OTOA: variants seen among roughly 807,000 people sequenced by gnomAD.
OTOA encodes the protein cancer/testis antigen 108.
A neutral mutation model predicts 110.8 loss-of-function variants in OTOA; 70 were observed. The observed-to-expected ratio is 0.63, with a 90% CI of 0.52 to 0.77. OTOA has a LOEUF of 0.77. Among genes scored for constraint, OTOA ranks in the 30% least tolerant of loss-of-function variants. The pLI, the probability that OTOA is intolerant of heterozygous loss-of-function variation, is 0.00. For synonymous variants in OTOA, 373 were observed against 431.5 expected (o/e 0.86, Z 1.68); for missense variants, 917 against 1,075.8 (o/e 0.85, Z 2.06).
In OTOA at chr16:21,697,873, G is replaced by C. The variant is rs1405753421; in HGVS notation, c.838G>C (p.Glu280Gln). The C allele has an allele frequency of 6.2e-7, 1 of 1,612,356 alleles. No homozygotes were observed. The highest frequency in any genetic ancestry group is 8.5e-7 in the Non-Finnish European group (1 of 1,178,468). ...FEEITKISPI[E>Q]IGLFISYDNA... ...AGAAATTACGAAAATTAGTCCTATA[G>C]AAGTAAGTTGGAAAAGTACATTTAT... The change falls in exon 10 of 29, where the codon GAA (glutamate) becomes CAA (glutamine). Residue 280 changes from glutamate (E) to glutamine (Q), a missense_variant and splice_region_variant. Transcript: ENST00000646100.
At chr16:21,758,446 GAGA>G (rs1469543584) in intron 28 of OTOA, among the ~76,000 whole-genome samples, 10 of 149,028 alleles carry the variant, frequency 6.7e-5, no homozygotes, top group Non-Finnish European at 3.0e-5. Context: ...GACACAAGGT[GAGA>G]AGAAGATGGG....
intron 17 of OTOA, among the ~76,000 whole-genome samples, chr16:21,721,840 TATG>T (rs1163518261): frequency 6.6e-6 from 1 of 151,990 alleles, no homozygotes. Flanking sequence ...GGCAGTGAGT[TATG>T]ATGGAGTCAC....
rs768079027 is a variant in OTOA, at chr16:21,719,136, C to T, written c.1633C>T (p.Leu545=). 6.2e-7 allele frequency: 1 copy of T among 1,613,780 alleles called. No individual in the cohort carries two copies. The highest frequency in any genetic ancestry group is 1.7e-5 in the Admixed American group (1 of 60,014). The change falls in exon 16 of 29, where the codon CTG becomes TTG. Residue 545 remains leucine (L), a synonymous_variant. Transcript: ENST00000646100. ...AACGATCATTCTCTTCTCGCAGGCT[C>T]TGTTCCTGTATGAGCTTCTGTTAAA... ...KDKELGRSQA[L]FLYELLLKTT...
At chr16:21,715,251 G>A (rs972654037) in intron 14 of OTOA, 99 bp downstream of exon 14, 4 of 1,517,226 alleles carry the variant, frequency 2.6e-6, no homozygotes, top group Admixed American at 3.3e-5. Flanking sequence ...CCCAGGGCTG[G>A]GATTGTCTCA....
intron 9 of OTOA, among the ~76,000 whole-genome samples, chr16:21,695,883 A>ATT (rs1325044183): frequency 1.8e-3 from 80 of 43,762 alleles, no homozygotes; most frequent in African/African-American, 2.2e-3. Flanking sequence ...ATATATATAT[A>ATT]TATATATATT....
At chr16:21,681,966 C>T in intron 6 of OTOA, 141 bp downstream of exon 6, 1 of 765,212 alleles carries the variant, frequency 1.3e-6, no homozygotes, top group Non-Finnish European at 2.2e-6. Flanking sequence ...TCCAGTTTTT[C>T]TTGAAACATG....
intron 24 of OTOA, among the ~76,000 whole-genome samples, chr16:21,749,828 C>A (rs1314961474): frequency 7.3e-6 from 1 of 136,358 alleles, no homozygotes; most frequent in Non-Finnish European, 1.6e-5. Context: ...GGACCACAGG[C>A]ACGTGCCACC....
At chr16:21,727,001 T>G in intron 19 of OTOA, 1 of 262,204 alleles carries the variant, frequency 3.8e-6, no homozygotes, top group Non-Finnish European at 7.4e-6. Context: ...GAGTAGCACA[T>G]CCCCCTTAGA....
At chr16:21,735,486 A>G (rs1418707762) in intron 21 of OTOA, among the ~76,000 whole-genome samples, 1 of 152,162 alleles carries the variant, frequency 6.6e-6, no homozygotes. Context: ...TGGGGATTAC[A>G]TTTCAATAAG....
At chr16:21,701,071 T>A (rs1426494793) in intron 11 of OTOA, 44 bp downstream of exon 11, 10 of 1,613,390 alleles carry the variant, frequency 6.2e-6, no homozygotes, top group Non-Finnish European at 7.6e-6. Flanking sequence ...TCCCAAGATG[T>A]GATCTAAGCA....
At chr16:21,694,728 C>T (rs1054099912) in intron 9 of OTOA, among the ~76,000 whole-genome samples, 2 of 152,148 alleles carry the variant, frequency 1.3e-5, no homozygotes, top group South Asian at 2.1e-4. Context: ...ATAAGGAAAG[C>T]AGATGGGGCT....
chr16:21,732,251 C>T (rs1597852925), intron 21 of OTOA, among the ~76,000 whole-genome samples: 1 of 152,368 alleles, frequency 6.6e-6, no homozygotes, highest in Middle Eastern at 3.4e-3. Context: ...AGGCGTGAGC[C>T]ACCATGCCCG....
intron 1 of OTOA, among the ~76,000 whole-genome samples, chr16:21,669,625 T>C (rs1966846477): frequency 6.6e-6 from 1 of 152,182 alleles, no homozygotes. Flanking sequence ...GCGTTGTCTT[T>C]GACCTGTCTA....
intron 14 of OTOA, among the ~76,000 whole-genome samples, chr16:21,716,464 G>A (rs1002851086): frequency 6.6e-6 from 1 of 151,932 alleles, no homozygotes; most frequent in African/African-American, 2.4e-5. Flanking sequence ...CCAGCTACTC[G>A]GGAGGCTGAG....
chr16:21,753,275 A>G lies in OTOA; in HGVS notation c.3153+151A>G, dbSNP rs1233247312. The G allele has an allele frequency of 6.8e-6, 3 of 443,890 alleles. No individual in the cohort carries two copies. In the East Asian group the frequency reaches 1.3e-4, roughly 19 times the overall value. 27.5% of individuals were successfully genotyped at this position (443,890 alleles called of 1,614,324 possible). Reference sequence around the variant, plus strand: ...ATCTGTGTGAGTTTAGGTGTTTTTAAAAAACATTTTTCTTAAAATTACAAT... The same window carrying G: ...ATCTGTGTGAGTTTAGGTGTTTTTAGAAAACATTTTTCTTAAAATTACAAT... On this transcript the variant is annotated intron_variant, in intron 27 of 28. Coordinates refer to ENST00000646100, the MANE Select transcript of OTOA (RefSeq NM_144672.4).
rs188016455 is a variant in OTOA, at chr16:21,698,282, T to C, written c.840+407T>C. ...AAAAGCAAAATGGATTAATAGCTAC[T>C]TCTATTTATAGCTACTTCTGTTAAT... On this transcript the variant is annotated intron_variant, in intron 10 of 28. Transcript: ENST00000646100. Among the ~76,000 whole-genome samples the C allele has an allele frequency of 8.5e-5, 13 of 152,340 alleles. No individual in the cohort carries two copies. The East Asian group carries it at 2.5e-3, about 29-fold the overall frequency.
At chr16:21,706,514 T>G (rs1349582200) in intron 12 of OTOA, among the ~76,000 whole-genome samples, 2 of 152,180 alleles carry the variant, frequency 1.3e-5, no homozygotes, top group Non-Finnish European at 2.9e-5. Flanking sequence ...CAGCCAGGAT[T>G]GAGAACACTG....
At chr16:21,717,085 A>C (rs776054645) in intron 15 of OTOA, 38 bp downstream of exon 15, 1 of 1,612,190 alleles carries the variant, frequency 6.2e-7, no homozygotes, top group Non-Finnish European at 8.5e-7. Flanking sequence ...TGTATTTCTG[A>C]CTATCTGTCT....
chr16:21,758,216 A>T (rs463573), intron 28 of OTOA, among the ~76,000 whole-genome samples: 8 of 151,084 alleles, frequency 5.3e-5, no homozygotes, highest in Admixed American at 3.3e-4. Context: ...CTTCTTTGTG[A>T]TAACTTCTGT....
Sources: allele counts gnomAD v4.1 joint callset (sites outside exome capture counted in the v4.1 genomes callset), GRCh38; gene constraint gnomAD v4.1.1; transcripts MANE v1.5; gene names NCBI Gene and HGNC (gene_info 2026-07-23, HGNC 2026-07-21).